SLC30A3: variants seen among roughly 807,000 people sequenced by gnomAD.
SLC30A3 encodes the protein probable proton-coupled zinc antiporter SLC30A3.
A neutral mutation model predicts 35.6 loss-of-function variants in SLC30A3; 20 were observed. The ratio of observed to expected loss-of-function variants is 0.56; its 90% CI spans 0.39 to 0.82. The LOEUF is 0.82. SLC30A3 is among the 40% of genes least tolerant of loss of function. The pLI, the probability that SLC30A3 is intolerant of heterozygous loss-of-function variation, is 0.00. For missense variants in SLC30A3, 401 were observed against 530.6 expected, an observed-to-expected ratio of 0.76 and a Z score of 2.40; for synonymous variants, 217 against 224.7, an observed-to-expected ratio of 0.97 and a Z score of 0.31.
chr2:27,255,323 G>A lies in SLC30A3; in HGVS notation c.1156C>T (p.Pro386Ser). 1 of 1,614,088 alleles carries A rather than the reference G, an allele frequency of 6.2e-7. No individual in the cohort carries two copies. Among genetic ancestry groups the A allele is most frequent in the Non-Finnish European group, 8.5e-7 (1 of 1,180,014 alleles). The change falls in exon 8 of 8, where the codon CCC (proline) becomes TCC (serine). Residue 386 changes from proline to serine, a missense_variant. Physicochemically the swap from Pro to Ser is moderately conservative, Grantham distance 74. Transcript: ENST00000233535. This position sits in a 1 kb window ranked among gnomAD's most constrained non-coding sequence, Gnocchi z 5.2. ...GGCAGGGCCATGGCTCAGGCTTGGG[G>A]GGGTTCCTGGCAGCGCAGGCACTGG... ...MAQCLRCQEPPQA is the reference protein window; with the variant it reads ...MAQCLRCQEPSQA
At chr2:27,273,248 A>G (rs976130901) in intron 1 of SLC30A3, among the ~76,000 whole-genome samples, 3 of 151,924 alleles carry the variant, frequency 2.0e-5, no homozygotes, top group East Asian at 3.9e-4. Flanking sequence ...AGGGAACAAC[A>G]TGGTCAAAGA....
chr2:27,258,205 G>A lies in SLC30A3; in HGVS notation c.380C>T (p.Thr127Ile). The A allele has an allele frequency of 6.3e-7, 1 of 1,598,406 alleles. No individual in the cohort carries two copies. The highest frequency in any genetic ancestry group is 8.5e-7 in the Non-Finnish European group (1 of 1,170,890). Residue 127 changes from threonine (T) to isoleucine (I), a missense_variant, in exon 3 of 8, where the codon ACC becomes ATC. Physicochemically the swap from Thr to Ile is moderately conservative, Grantham distance 89. This residue lies in a region of SLC30A3 where 296 missense variants were observed against 392.6 expected (regional missense o/e 0.75). Transcript: ENST00000233535. The surrounding 1 kb of genome is among the most constrained non-coding windows in gnomAD (Gnocchi z 4.0). ...MGSLFSLWLS[T>I]RPATRTMTFG... ...GGTCATGGTGCGGGTGGCTGGACGG[G>A]TGGAGAGCCAGAGGGAGAAGAGGCT... is the stretch of plus-strand genomic sequence containing the variant.
Position 27,262,782 on chromosome 2 carries a change from G to T in SLC30A3, c.95+30C>A. On this transcript the variant is annotated intron_variant, in intron 1 of 7. Transcript: ENST00000233535. This position sits in a 1 kb window ranked among gnomAD's most constrained non-coding sequence, Gnocchi z 7.5. The stretch of plus-strand genomic sequence containing the variant: ...CGGAGGGTAGTAGGGTGGCGCCCCC[G>T]GGCCGAGGGCCAGCCCAGGTCTGTC... 6.6e-7 allele frequency: 1 copy of T among 1,508,720 alleles called. No individual in the cohort carries two copies. Among genetic ancestry groups the T allele is most frequent in the Non-Finnish European group, 8.8e-7 (1 of 1,135,428 alleles). 93.5% of individuals were successfully genotyped at this position (1,508,720 alleles called of 1,614,324 possible).
At chr2:27,259,504 A>AG (rs1339316652) in intron 1 of SLC30A3, among the ~76,000 whole-genome samples, 1 of 151,542 alleles carries the variant, frequency 6.6e-6, no homozygotes, top group African/African-American at 2.4e-5. Context: ...AAAAAAAAAA[A>AG]AGAGATGGGG....
chr2:27,272,328 C>A (rs959125638), intron 1 of SLC30A3, among the ~76,000 whole-genome samples: 1 of 152,240 alleles, frequency 6.6e-6, no homozygotes, highest in Non-Finnish European at 1.5e-5. Flanking sequence ...CTGAGCCCAA[C>A]CTCCAGGTTA....
In SLC30A3 at chr2:27,258,832, G is replaced by C. The variant is rs1234948747; in HGVS notation, c.198C>G (p.Thr66=). ...HRDPLPPPGL[T]PERLHARRQL... is the part of the protein sequence containing the mutation. Reference sequence around the variant, plus strand: ...GCCTCCGTGCATGCAGCCTCTCAGGGGTAAGGCCCGGCGGCGGAAGGGGGT... The same window carrying C: ...GCCTCCGTGCATGCAGCCTCTCAGGCGTAAGGCCCGGCGGCGGAAGGGGGT... The change falls in exon 2 of 8, where the codon ACC becomes ACG. Residue 66 remains threonine, a synonymous_variant. Coordinates refer to ENST00000233535, the MANE Select transcript of SLC30A3 (RefSeq NM_003459.5). The surrounding 1 kb of genome is among the most constrained non-coding windows in gnomAD (Gnocchi z 4.0). The C allele has an allele frequency of 1.2e-6, 2 of 1,614,096 alleles. No individual in the cohort carries two copies. Among genetic ancestry groups the C allele is most frequent in the African/African-American group, 1.3e-5 (1 of 74,952 alleles).
Position 27,253,872 on chromosome 2 carries a change from G to T in SLC30A3, c.*1440C>A, listed in dbSNP as rs11126935. On this transcript the variant is annotated 3_prime_UTR_variant, in exon 8 of 8. Transcript: ENST00000233535. ...GTAGAGACAGGGGTTTCCCTAGGTT[G>T]CCCAGGCTGGTCTTGAACTCCTGGG... 54,072 of 151,436 alleles carry T rather than the reference G, an allele frequency of 0.36. 12,045 individuals are homozygous for T. The highest frequency in any genetic ancestry group is 0.62 in the African/African-American group (25,450 of 41,018). 9.4% of individuals were successfully genotyped at this position (151,436 alleles called of 1,614,324 possible). A position where few individuals can be genotyped will look rare whatever the true frequency, so the allele number is the denominator to read the frequency against.
rs1677248641 is a variant in SLC30A3, at chr2:27,262,436, G to T, written c.95+376C>A. Among the ~76,000 whole-genome samples the T allele has an allele frequency of 6.6e-6, 1 of 152,096 alleles. No individual in the cohort carries two copies. Among genetic ancestry groups the T allele is most frequent in the East Asian group, 1.9e-4 (1 of 5,142 alleles). On this transcript the variant is annotated intron_variant, in intron 1 of 7. Transcript: ENST00000233535. This position sits in a 1 kb window ranked among gnomAD's most constrained non-coding sequence, Gnocchi z 7.5. ...AGCTCTGAAGCCTGGGCAGCGAGGC[G>T]CTCCCGCCCTGGGCCCGGGGCAATG...
chr2:27,263,444 G>C (rs1677333856), upstream of SLC30A3: 2 of 412,726 alleles, frequency 4.8e-6, no homozygotes, highest in Admixed American at 2.6e-5. Flanking sequence ...GGCAGAAACA[G>C]GAGCGGACCC....
upstream of SLC30A3, chr2:27,275,771 C>T (rs1678004961): frequency 6.3e-6 from 1 of 157,816 alleles, no homozygotes. Flanking sequence ...CCTCCTCTCC[C>T]CACTGTCCCA....
rs1044675939 is a variant in SLC30A3, at chr2:27,262,657, G to A, written c.95+155C>T. Among the ~76,000 whole-genome samples the A allele has an allele frequency of 3.3e-5, 5 of 152,100 alleles. No individual in the cohort carries two copies. In the East Asian group the frequency reaches 5.8e-4, roughly 18 times the overall value. On this transcript the variant is annotated intron_variant, in intron 1 of 7. Transcript: ENST00000233535. The surrounding 1 kb of genome is among the most constrained non-coding windows in gnomAD (Gnocchi z 7.5). ...CCGGCTGTGTAGGGCTGGGCGCTCC[G>A]TGTGGCCAGAGGGGATGAAGCGGGG...
chr2:27,273,678 C>T (rs1677837598), intron 1 of SLC30A3, among the ~76,000 whole-genome samples: 1 of 152,146 alleles, frequency 6.6e-6, no homozygotes, highest in Non-Finnish European at 1.5e-5. Context: ...CCTGCACTGA[C>T]CACAGGCCTA....
At chr2:27,256,644 C>G in intron 6 of SLC30A3, 124 bp from the exon 7 acceptor site, 1 of 1,398,246 alleles carries the variant, frequency 7.2e-7, no homozygotes, top group Admixed American at 1.9e-5. Context: ...ACAATTCACC[C>G]TATGCCCAAA....
rs1009062088 is a variant in SLC30A3 at position 27,262,980 on chromosome 2, C to G, written c.-74G>C. ...GGGCCGGCCCCGCGCCAAGTCCGAG[C>G]AGCCCGCCGACCCCCGGGATCCCCG... On this transcript the variant is annotated 5_prime_UTR_variant, in exon 1 of 8. Transcript: ENST00000233535. This position sits in a 1 kb window ranked among gnomAD's most constrained non-coding sequence, Gnocchi z 7.5. 1 of 1,432,686 alleles carries G rather than the reference C, an allele frequency of 7.0e-7. No individual in the cohort carries two copies. The highest frequency in any genetic ancestry group is 1.4e-5 in the South Asian group (1 of 69,304). The allele number at this position is 1,432,686 out of a possible 1,614,324, so 88.7% of individuals were successfully genotyped here.
upstream of SLC30A3, among the ~76,000 whole-genome samples, chr2:27,265,317 C>T (rs577281035): frequency 6.6e-6 from 1 of 152,344 alleles, no homozygotes; most frequent in South Asian, 2.1e-4. The surrounding 1 kb of genome is among the most constrained non-coding windows in gnomAD (Gnocchi z 5.9). Context: ...CCGAGGGCGC[C>T]GGCGGTGGGA....
At chr2:27,261,291 A>G (rs1677170532) in intron 1 of SLC30A3, among the ~76,000 whole-genome samples, 1 of 152,182 alleles carries the variant, frequency 6.6e-6, no homozygotes, top group African/African-American at 2.4e-5. Context: ...GATGGGAGGA[A>G]GAGAGGAGAA....
rs974388650 is a variant in SLC30A3 at position 27,255,690 on chromosome 2, T to C, written c.1019-230A>G. On this transcript the variant is annotated intron_variant, in intron 7 of 7. Transcript: ENST00000233535. This position sits in a 1 kb window ranked among gnomAD's most constrained non-coding sequence, Gnocchi z 5.2. Reference sequence around the variant, plus strand: ...AAACTCTTTCCAGTCTCCTATTCTCTCCTGTCATTAAGTGTCAACATACAG... The same window carrying C: ...AAACTCTTTCCAGTCTCCTATTCTCCCCTGTCATTAAGTGTCAACATACAG... 1.8e-6 allele frequency: 1 copy of C among 542,580 alleles called. No homozygotes were observed. The highest frequency in any genetic ancestry group is 1.9e-5 in the African/African-American group (1 of 52,242). The allele number at this position is 542,580 out of a possible 1,614,324, so 33.6% of individuals were successfully genotyped here.
rs375596349 is a variant in SLC30A3, at chr2:27,257,901, G to A, written c.578+4C>T. 3.5e-5 allele frequency: 57 copies of A among 1,612,744 alleles called. 1 individual carries two copies. The highest frequency in any genetic ancestry group is 1.2e-4 in the South Asian group (11 of 90,794). On this transcript the variant is annotated splice_donor_region_variant and intron_variant, in intron 4 of 7. Coordinates refer to ENST00000233535, the MANE Select transcript of SLC30A3 (RefSeq NM_003459.5). The surrounding 1 kb of genome is among the most constrained non-coding windows in gnomAD (Gnocchi z 4.7). ...CAAGGTGCCTGCTCCATACTGGGAC[G>A]TACAACAGGTTGGCACAGACTGCGA...
intron 1 of SLC30A3, among the ~76,000 whole-genome samples, chr2:27,269,183 T>G (rs1181072460): frequency 6.7e-6 from 1 of 150,012 alleles, no homozygotes; most frequent in Non-Finnish European, 1.5e-5. Context: ...AGAGTGTGGT[T>G]TTTTTTTTCT....
Sources: gnomAD v4.1 joint callset for allele counts (sites outside exome capture counted in the v4.1 genomes callset) on GRCh38, gnomAD v4.1.1 for gene constraint, gnomAD v4.1.1 regional missense constraint, Gnocchi (gnomAD v3.1) non-coding constraint, MANE v1.5 for transcripts, NCBI Gene and HGNC (gene_info 2026-07-23, HGNC 2026-07-21) for gene names.